Variants in IKBKB observed in about 807,000 individuals in gnomAD.
IKBKB encodes inhibitor of nuclear factor kappa B kinase subunit beta, also known as inhibitor of nuclear factor kappa-B kinase subunit beta.
A neutral mutation model predicts 113.6 loss-of-function variants in IKBKB; 42 were observed. That is an observed-to-expected ratio of 0.37 (90% confidence interval 0.29 to 0.48). IKBKB has a LOEUF of 0.48. IKBKB is among the 20% of genes least tolerant of loss of function. The pLI is 0.99. For missense variants in IKBKB, 673 were observed against 939.7 expected (o/e 0.72, Z 3.71); for synonymous variants, 296 against 361.3 (o/e 0.82, Z 2.05).
At chr8:42,325,783 C>G (rs1299853728) in intron 19 of IKBKB, 187 bp from the exon 20 acceptor site, 5 of 1,433,960 alleles carry the variant, frequency 3.5e-6, no homozygotes, top group Non-Finnish European at 3.6e-6. Flanking sequence ...TCCGTTGATA[C>G]AGAAACACTT....
chr8:42,286,536 A>AGTAAGACC (rs1370221829), intron 2 of IKBKB, among the ~76,000 whole-genome samples: 1 of 151,826 alleles, frequency 6.6e-6, no homozygotes, highest in Non-Finnish European at 1.5e-5. Flanking sequence ...TGTTGCCCAG[A>AGTAAGACC]TCTCCTGCAA....
In IKBKB at chr8:42,288,685, C is replaced by T. The variant is rs1214631042; in HGVS notation, c.157C>T (p.Arg53Trp). 1.9e-6 allele frequency: 3 copies of T among 1,611,318 alleles called. No individual in the cohort carries two copies. Among genetic ancestry groups the T allele is most frequent in the Non-Finnish European group, 2.5e-6 (3 of 1,178,690 alleles). Residue 53 changes from arginine to tryptophan, a missense_variant, in exon 3 of 22, where the codon CGG (arginine) becomes TGG (tryptophan). Transcript: ENST00000520810. The part of the protein sequence containing the change: ...IKQCRQELSP[R>W]NRERWCLEIQ... ...GCAGTGCCGGCAGGAGCTCAGCCCCCGGAACCGAGAGCGGTGGTGCCTGGA... is the reference window on the plus strand; with the variant it reads ...GCAGTGCCGGCAGGAGCTCAGCCCCTGGAACCGAGAGCGGTGGTGCCTGGA...
rs914183352 is a variant in IKBKB at position 42,286,800 on chromosome 8, C to A, written c.106-1834C>A. ...GAAAACAGAAATTGGCCTAACAGGGCCTCTAGGACATCCTTCAAGTGAGCC... is the reference window on the plus strand; with the variant it reads ...GAAAACAGAAATTGGCCTAACAGGGACTCTAGGACATCCTTCAAGTGAGCC... On this transcript the variant is annotated intron_variant, in intron 2 of 21. Coordinates refer to ENST00000520810, the MANE Select transcript of IKBKB (RefSeq NM_001556.3). Among the ~76,000 whole-genome samples, 10 of 152,312 alleles carry A rather than the reference C, an allele frequency of 6.6e-5. 1 individual carries two copies. In the South Asian group the frequency reaches 2.1e-3, roughly 32 times the overall value.
intron 9 of IKBKB, among the ~76,000 whole-genome samples, chr8:42,315,635 C>T (rs768929768): frequency 6.6e-6 from 1 of 151,884 alleles, no homozygotes; most frequent in African/African-American, 2.4e-5. Flanking sequence ...TTTTTAAAAC[C>T]TCATGGGTTA....
chr8:42,323,711 T>G (rs1820200927), intron 19 of IKBKB, among the ~76,000 whole-genome samples: 1 of 152,074 alleles, frequency 6.6e-6, no homozygotes, highest in Non-Finnish European at 1.5e-5. Flanking sequence ...GCACTGAGCA[T>G]GCCTTGGGAG....
At chr8:42,309,830 T>C (rs745405585) in intron 8 of IKBKB, 1 of 152,310 alleles carries the variant, frequency 6.6e-6, no homozygotes, top group Admixed American at 6.5e-5. Context: ...ACAAAAATTT[T>C]TCCAGTAAAA....
chr8:42,276,306 C>G (rs1024447900), intron 2 of IKBKB, among the ~76,000 whole-genome samples: 1 of 152,124 alleles, frequency 6.6e-6, no homozygotes, highest in Non-Finnish European at 1.5e-5. Flanking sequence ...GAGATGATAT[C>G]TCATTGTGGT....
At position 42,271,322 on chromosome 8, in the gene IKBKB, G is replaced by C. The variant is rs753709494; in HGVS notation, c.-166G>C. 2 of 1,031,948 alleles carry C rather than the reference G, an allele frequency of 1.9e-6. No individual in the cohort carries two copies. The highest frequency in any genetic ancestry group is 4.0e-5 in the Admixed American group (2 of 50,268). 63.9% of individuals were successfully genotyped at this position (1,031,948 alleles called of 1,614,324 possible). A position where few individuals can be genotyped will look rare whatever the true frequency, so the allele number is the denominator to read the frequency against. ...GCTCCGTGACGTCAGAGCAGGAAGT[G>C]TTTGAGGAAGTCGCGCCGCGCTGCC... On this transcript the variant is annotated 5_prime_UTR_variant, in exon 1 of 22. Transcript: ENST00000520810.
At chr8:42,314,549 T>C in intron 9 of IKBKB, 120 bp downstream of exon 9, 4 of 703,880 alleles carry the variant, frequency 5.7e-6, no homozygotes, top group Non-Finnish European at 1.0e-5. Context: ...CTGAGGCAGG[T>C]GGATCACCTG....
chr8:42,320,651 T>C, intron 15 of IKBKB, 84 bp from the exon 16 acceptor site: 1 of 1,029,966 alleles, frequency 9.7e-7, no homozygotes, highest in Non-Finnish European at 1.5e-6. Context: ...ATGTGGCGGG[T>C]CCCCTGGTCT....
chr8:42,297,348 A>G (rs78342373), intron 5 of IKBKB, among the ~76,000 whole-genome samples: 5,283 of 152,208 alleles, frequency 0.035, 102 homozygotes, highest in Non-Finnish European at 0.042. Context: ...CTGGCCTCAC[A>G]TTTCCTTTGT....
rs1283873976 is a variant in IKBKB, at chr8:42,330,673, G to C, written c.2206-241G>C. 2.0e-5 allele frequency: 6 copies of C among 297,576 alleles called. No individual in the cohort carries two copies. In the South Asian group the frequency reaches 3.9e-4, roughly 19 times the overall value. 18.4% of individuals were successfully genotyped at this position (297,576 alleles called of 1,614,324 possible). A position where few individuals can be genotyped will look rare whatever the true frequency, so the allele number is the denominator to read the frequency against. On this transcript the variant is annotated intron_variant, in intron 21 of 21. Transcript: ENST00000520810. ...CTATAGGAGCTTGCCACCACGCCTG[G>C]CTAATTTTGTATTTTTAGTAGAAAT...
intron 5 of IKBKB, among the ~76,000 whole-genome samples, chr8:42,294,087 G>A (rs1813217725): frequency 6.6e-6 from 1 of 152,220 alleles, no homozygotes; most frequent in African/African-American, 2.4e-5. Flanking sequence ...TCTGAGGGCT[G>A]GGCGCTAAAG....
intron 5 of IKBKB, chr8:42,298,085 T>C (rs947920976): frequency 6.4e-5 from 63 of 985,258 alleles, no homozygotes; most frequent in Non-Finnish European, 7.4e-5. Flanking sequence ...AAGTTATATG[T>C]GAGTGGACTC....
At chr8:42,291,658 T>TA (rs753391025) in intron 4 of IKBKB, among the ~76,000 whole-genome samples, 30 of 152,014 alleles carry the variant, frequency 2.0e-4, no homozygotes, top group African/African-American at 7.2e-4. Flanking sequence ...TTGTGCCTCT[T>TA]AAAAAAAAAT....
At chr8:42,314,687 A>C (rs1410631343) in intron 9 of IKBKB, among the ~76,000 whole-genome samples, 1 of 151,922 alleles carries the variant, frequency 6.6e-6, no homozygotes, top group African/African-American at 2.4e-5. Flanking sequence ...AGGCAGGAGA[A>C]TCACTTGAAC....
At chr8:42,327,402 T>C (rs1022429704) in intron 20 of IKBKB, among the ~76,000 whole-genome samples, 14 of 150,276 alleles carry the variant, frequency 9.3e-5, no homozygotes, top group Non-Finnish European at 1.6e-4. Flanking sequence ...GGCGCGATCT[T>C]GGCTCACTGC....
At chr8:42,308,840 C>T (rs756801833) in intron 7 of IKBKB, 61 bp from the exon 8 acceptor site, 31 of 1,553,322 alleles carry the variant, frequency 2.0e-5, no homozygotes, top group Non-Finnish European at 2.5e-5. Flanking sequence ...CTGGCCGCCC[C>T]CTCCTGCCGT....
intron 2 of IKBKB, among the ~76,000 whole-genome samples, chr8:42,278,104 C>T (rs912260972): frequency 2.0e-5 from 3 of 152,114 alleles, no homozygotes; most frequent in African/African-American, 7.2e-5. Context: ...AGGAGGTTCC[C>T]CAAGGAAGTG....
Sources: gnomAD v4.1 joint callset for allele counts (sites outside exome capture counted in the v4.1 genomes callset) on GRCh38, gnomAD v4.1.1 for gene constraint, MANE v1.5 for transcripts, NCBI Gene and HGNC (gene_info 2026-07-23, HGNC 2026-07-21) for gene names.